GLRB: variants seen among roughly 807,000 people sequenced by gnomAD.
GLRB encodes glycine receptor beta, also known as glycine receptor subunit beta.
A neutral mutation model predicts 54.2 loss-of-function variants in GLRB; 33 were observed. That is an observed-to-expected ratio of 0.61 (90% CI 0.46 to 0.81). GLRB has a LOEUF of 0.81. Ranked by LOEUF, GLRB falls within the 40% of genes least tolerant of loss-of-function variation. GLRB has a pLI of 0.00. For missense variants in GLRB, 572 were observed against 584.6 expected (o/e 0.98, Z 0.22); for synonymous variants, 209 against 208.2 (o/e 1.00, Z -0.03).
chr4:157,082,103 C>T (rs1734241380), intron 2 of GLRB, among the ~76,000 whole-genome samples: 1 of 152,136 alleles, frequency 6.6e-6, no homozygotes, highest in South Asian at 2.1e-4. Context: ...ATGGCTGTAA[C>T]TACCACTTAC....
chr4:157,140,926 T>C (rs1736582829), intron 7 of GLRB, among the ~76,000 whole-genome samples: 1 of 151,868 alleles, frequency 6.6e-6, no homozygotes, highest in African/African-American at 2.4e-5. Flanking sequence ...GCTTTGAAAG[T>C]CCTAGGAGTG....
intron 9 of GLRB, among the ~76,000 whole-genome samples, chr4:157,157,194 G>T (rs769266058): frequency 6.6e-6 from 1 of 152,128 alleles, no homozygotes; most frequent in Non-Finnish European, 1.5e-5. Flanking sequence ...TCTTGTTACT[G>T]CTGGGTGTAG....
At chr4:157,082,645 C>A (rs1734264175) in intron 2 of GLRB, among the ~76,000 whole-genome samples, 1 of 152,082 alleles carries the variant, frequency 6.6e-6, no homozygotes, top group Non-Finnish European at 1.5e-5. Flanking sequence ...GGAATACCTT[C>A]ACCCTGGATT....
At chr4:157,164,291 C>T (rs1737630544) in intron 9 of GLRB, among the ~76,000 whole-genome samples, 1 of 152,156 alleles carries the variant, frequency 6.6e-6, no homozygotes, top group Non-Finnish European at 1.5e-5. Flanking sequence ...GCTTCCCCTT[C>T]TAAAGCATAC....
chr4:157,097,520 G>T (rs1374715196), intron 2 of GLRB, among the ~76,000 whole-genome samples: 2 of 152,092 alleles, frequency 1.3e-5, no homozygotes, highest in Non-Finnish European at 2.9e-5. Flanking sequence ...TACAAAATTT[G>T]TTTCTATTGC....
At chr4:157,155,422 A>G (rs1560973374) in intron 9 of GLRB, among the ~76,000 whole-genome samples, 1 of 152,130 alleles carries the variant, frequency 6.6e-6, no homozygotes, top group Non-Finnish European at 1.5e-5. Flanking sequence ...ATGAACCACC[A>G]TGCCTTTTCG....
intron 8 of GLRB, among the ~76,000 whole-genome samples, chr4:157,146,314 C>T (rs1057409557): frequency 1.3e-5 from 2 of 151,986 alleles, no homozygotes; most frequent in South Asian, 2.1e-4. Flanking sequence ...TGCACCGGGC[C>T]GATTTTAGTT....
intron 4 of GLRB, among the ~76,000 whole-genome samples, chr4:157,123,638 A>G (rs1005315867): frequency 1.3e-5 from 2 of 151,810 alleles, no homozygotes; most frequent in African/African-American, 2.4e-5. Context: ...ATAAACTACT[A>G]TATATGACTC....
chr4:157,153,831 A>G (rs922300760), intron 9 of GLRB, among the ~76,000 whole-genome samples: 6 of 152,044 alleles, frequency 3.9e-5, no homozygotes, highest in Non-Finnish European at 8.8e-5. Context: ...CCATCCTACA[A>G]CCTTGAAAAT....
At chr4:157,078,586 C>G (rs1384297842) in intron 2 of GLRB, among the ~76,000 whole-genome samples, 3 of 151,636 alleles carry the variant, frequency 2.0e-5, no homozygotes, top group Non-Finnish European at 4.4e-5. Flanking sequence ...AAGGTCAGTT[C>G]ATATGTATGC....
intron 4 of GLRB, among the ~76,000 whole-genome samples, chr4:157,132,094 A>G (rs1471384005): frequency 6.6e-6 from 1 of 151,844 alleles, no homozygotes; most frequent in African/African-American, 2.4e-5. Flanking sequence ...GATTTTGGCC[A>G]TTCAAATAGG....
chr4:157,113,527 C>A (rs1467279479), intron 2 of GLRB, among the ~76,000 whole-genome samples: 9 of 151,922 alleles, frequency 5.9e-5, no homozygotes, highest in Admixed American at 5.9e-4. Context: ...AAGTGACCAA[C>A]AGATAGCCTT....
chr4:157,164,806 A>G (rs1737649232), intron 9 of GLRB, among the ~76,000 whole-genome samples: 1 of 152,176 alleles, frequency 6.6e-6, no homozygotes, highest in African/African-American at 2.4e-5. Context: ...GATAGCAAGG[A>G]TGAGAGGATC....
intron 9 of GLRB, among the ~76,000 whole-genome samples, chr4:157,160,919 G>A (rs1737459756): frequency 6.6e-6 from 1 of 152,132 alleles, no homozygotes. Context: ...TCTGTCTAAT[G>A]TTGACAGTGG....
chr4:157,077,499 T>C (rs890949488), intron 1 of GLRB, among the ~76,000 whole-genome samples: 1 of 152,116 alleles, frequency 6.6e-6, no homozygotes, highest in Non-Finnish European at 1.5e-5. Context: ...ATACTTAGAA[T>C]TTCTTTTTCT....
intron 7 of GLRB, among the ~76,000 whole-genome samples, chr4:157,140,618 C>A (rs915898706): frequency 1.3e-5 from 2 of 151,796 alleles, no homozygotes; most frequent in South Asian, 4.1e-4. Context: ...TTTTATTATC[C>A]TCATTGTACA....
Position 157,157,048 on chromosome 4 carries a change from TG to T in GLRB, c.1197+4043del, listed in dbSNP as rs1737257591. Reference sequence around the variant, plus strand: ...GCTCCTTGATACTGCTGGGCGAGATTGGGGGTCACCAGTTCCCCATGTTGTC... The same window carrying T: ...GCTCCTTGATACTGCTGGGCGAGATTGGGGTCACCAGTTCCCCATGTTGTC... On this transcript the variant is annotated intron_variant, in intron 9 of 9. Transcript: ENST00000264428. Among the ~76,000 whole-genome samples, 3 of 152,074 alleles carry T rather than the reference TG, an allele frequency of 2.0e-5. No homozygotes were observed. The South Asian group carries it at 6.2e-4, about 32-fold the overall frequency.
At chr4:157,106,761 A>G (rs1371915921) in intron 2 of GLRB, among the ~76,000 whole-genome samples, 2 of 151,980 alleles carry the variant, frequency 1.3e-5, no homozygotes, top group East Asian at 3.9e-4. Flanking sequence ...TTGGACTTGG[A>G]CTGAACCATG....
rs1482345428 is a variant in GLRB, at chr4:157,152,954, G to T, written c.1141G>T (p.Ala381Ser). The part of the protein sequence containing the change: ...EQADGKGGNV[A>S]KKNTVNGTGT... ...AGCAGATGGAAAAGGTGGAAATGTG[G>T]CTAAAAAGAATACTGTGAATGGAAC... The change falls in exon 9 of 10, where the codon GCT becomes TCT. Residue 381 changes from alanine (A) to serine (S), a missense_variant. Coordinates refer to ENST00000264428, the MANE Select transcript of GLRB (RefSeq NM_000824.5). 2 of 1,613,990 alleles carry T rather than the reference G, an allele frequency of 1.2e-6. No individual in the cohort carries two copies. Among genetic ancestry groups the T allele is most frequent in the African/African-American group, 1.3e-5 (1 of 75,026 alleles).
Sources: gnomAD v4.1 joint callset for allele counts (sites outside exome capture counted in the v4.1 genomes callset) on GRCh38, gnomAD v4.1.1 for gene constraint, MANE v1.5 for transcripts, NCBI Gene and HGNC (gene_info 2026-07-23, HGNC 2026-07-21) for gene names.